The following CLVS1 variants were observed in gnomAD, a reference collection of about 807,000 sequenced individuals.
CLVS1 encodes clavesin 1.
Under a neutral mutation model 33.1 loss-of-function variants are expected in CLVS1, and 10 were observed. The ratio of observed to expected loss-of-function variants is 0.30; its 90% CI spans 0.19 to 0.51. The LOEUF is 0.51. Ranked by LOEUF, CLVS1 falls within the 20% of genes least tolerant of loss-of-function variation. The pLI is 0.97. For missense variants in CLVS1, 343 were observed against 433.4 expected (o/e 0.79, Z 1.85); for synonymous variants, 163 against 166.1 (o/e 0.98, Z 0.14).
At chr8:61,249,425 G>A (rs1011273545) in intron 2 of CLVS1, among the ~76,000 whole-genome samples, 1 of 152,104 alleles carries the variant, frequency 6.6e-6, no homozygotes, top group Non-Finnish European at 1.5e-5. Flanking sequence ...TAATCCTTTG[G>A]ATATATACCC....
At chr8:61,258,398 A>G (rs1474746919) in intron 2 of CLVS1, among the ~76,000 whole-genome samples, 16 of 152,226 alleles carry the variant, frequency 1.1e-4, no homozygotes, top group Admixed American at 1.0e-3. Context: ...GCAGTGCCAT[A>G]CATCTTGTGA....
chr8:61,376,502 G>A (rs1304885849), intron 2 of CLVS1, 103 bp from the exon 3 acceptor site: 4 of 1,042,014 alleles, frequency 3.8e-6, no homozygotes, highest in South Asian at 3.4e-5. Context: ...CCCTCCAGGC[G>A]GGGTTCATGG....
At chr8:61,211,711 G>A (rs868474299) in intron 2 of CLVS1, among the ~76,000 whole-genome samples, 6 of 152,224 alleles carry the variant, frequency 3.9e-5, no homozygotes, top group South Asian at 4.1e-4. Context: ...AGCCGAGACT[G>A]GCTATGTTTC....
intron 2 of CLVS1, among the ~76,000 whole-genome samples, chr8:61,188,328 A>G (rs1267482323): frequency 6.6e-6 from 1 of 152,144 alleles, no homozygotes. Flanking sequence ...GAGAAAGGAC[A>G]TTCATTCTAG....
chr8:61,423,026 T>C (rs1290239974), intron 3 of CLVS1, among the ~76,000 whole-genome samples: 1 of 152,114 alleles, frequency 6.6e-6, no homozygotes, highest in African/African-American at 2.4e-5. Context: ...CTATTAGACT[T>C]CAGGGTCCAC....
At chr8:61,203,690 G>C (rs1807785532) in intron 2 of CLVS1, among the ~76,000 whole-genome samples, 1 of 152,198 alleles carries the variant, frequency 6.6e-6, no homozygotes, top group Non-Finnish European at 1.5e-5. Flanking sequence ...AAGCTCACAT[G>C]GAACTGTTTG....
At chr8:61,002,076 T>C in the CLVS1 span, among the ~76,000 whole-genome samples, 1 of 152,030 alleles carries the variant, frequency 6.6e-6, no homozygotes. Context: ...CCTCTCAGGC[T>C]CTAGCAATCC....
the CLVS1 span, among the ~76,000 whole-genome samples, chr8:60,968,452 G>A: frequency 1.3e-5 from 2 of 150,674 alleles, no homozygotes; most frequent in Admixed American, 6.6e-5. Context: ...GGAGGCAGAG[G>A]TTGCAGTGAG....
At chr8:61,105,343 A>G (rs1324178839) in intron 1 of CLVS1, among the ~76,000 whole-genome samples, 2 of 152,190 alleles carry the variant, frequency 1.3e-5, no homozygotes, top group Non-Finnish European at 2.9e-5. Context: ...TAAAGCTTCT[A>G]TTATTGGGAT....
In CLVS1 at chr8:61,115,367, A is replaced by G. The variant is rs187226109; in HGVS notation, c.-242-16403A>G. Among the ~76,000 whole-genome samples, 336 of 150,462 alleles carry G rather than the reference A, an allele frequency of 2.2e-3. 2 individuals are homozygous for G. Among genetic ancestry groups the G allele is most frequent in the Admixed American group, 4.0e-3 (60 of 15,134 alleles). On this transcript the variant is annotated intron_variant, in intron 1 of 2. Coordinates refer to the CLVS1 transcript ENST00000522621. ...TTATTTTATTTTTATTTTTATTTTT[A>G]TTTATTTATTTATTTATTTTTATTA... is the stretch of plus-strand genomic sequence containing the variant.
chr8:61,432,167 G>A (rs926328136), intron 3 of CLVS1, among the ~76,000 whole-genome samples: 1 of 152,180 alleles, frequency 6.6e-6, no homozygotes, highest in Non-Finnish European at 1.5e-5. Flanking sequence ...AACCAAATTC[G>A]AATGAGGAAG....
chr8:61,469,290 A>C (rs1269033783), intron 5 of CLVS1, among the ~76,000 whole-genome samples: 1 of 152,232 alleles, frequency 6.6e-6, no homozygotes, highest in African/African-American at 2.4e-5. Flanking sequence ...CTAAATTGGC[A>C]TGACATATGC....
At chr8:61,036,210 G>A in the CLVS1 span, among the ~76,000 whole-genome samples, 2 of 152,316 alleles carry the variant, frequency 1.3e-5, no homozygotes, top group African/African-American at 4.8e-5. Context: ...TACCTACCAA[G>A]GAAAGAGAAA....
the CLVS1 span, among the ~76,000 whole-genome samples, chr8:61,032,216 G>C: frequency 6.6e-6 from 1 of 152,132 alleles, no homozygotes; most frequent in Non-Finnish European, 1.5e-5. Context: ...TGTGCCCTGG[G>C]GACAGGCAGG....
rs55718731 is a variant in CLVS1 at position 61,226,980 on chromosome 8, G to GTTTTTT, written c.-151-72685_-151-72680dup. ...AACACCTGCTATATTACGAAAACATGTTTTTTTTTTTTTTTTTGTTCAGCT... is the reference window on the plus strand; with the variant it reads ...AACACCTGCTATATTACGAAAACATGTTTTTTTTTTTTTTTTTTTTTTTGTTCAGCT... On this transcript the variant is annotated intron_variant, in intron 2 of 2. Transcript: ENST00000522621. Among the ~76,000 whole-genome samples the GTTTTTT allele has an allele frequency of 8.8e-4, 117 of 132,300 alleles. 1 individual carries two copies. Among genetic ancestry groups the GTTTTTT allele is most frequent in the Middle Eastern group, 3.9e-3 (1 of 258 alleles). The allele number at this position is 132,300 out of a possible 152,430, so 86.8% of individuals were successfully genotyped here.
At chr8:61,492,526 G>A (rs1586055499) in intron 5 of CLVS1, among the ~76,000 whole-genome samples, 1 of 152,166 alleles carries the variant, frequency 6.6e-6, no homozygotes, top group Admixed American at 6.5e-5. Context: ...GTTTTTTTGG[G>A]GGGGTCTTTC....
intron 2 of CLVS1, among the ~76,000 whole-genome samples, chr8:61,331,730 A>G (rs190410918): frequency 9.9e-5 from 15 of 152,088 alleles, no homozygotes; most frequent in African/African-American, 2.7e-4. Context: ...AGTGTCTTCT[A>G]TTATATCTCT....
At chr8:61,462,977 A>G (rs1817419505) in intron 5 of CLVS1, among the ~76,000 whole-genome samples, 2 of 152,208 alleles carry the variant, frequency 1.3e-5, no homozygotes, top group Admixed American at 1.3e-4. Context: ...TATTCTTCCA[A>G]TAGAAGGCTG....
At chr8:61,127,052 G>C (rs1805987827) in intron 1 of CLVS1, among the ~76,000 whole-genome samples, 1 of 152,132 alleles carries the variant, frequency 6.6e-6, no homozygotes. Flanking sequence ...CTTTCCCACA[G>C]TATAGGAATT....
Sources: gnomAD v4.1 joint callset for allele counts (sites outside exome capture counted in the v4.1 genomes callset) on GRCh38, gnomAD v4.1.1 for gene constraint, MANE v1.5 for transcripts, NCBI Gene and HGNC (gene_info 2026-07-23, HGNC 2026-07-21) for gene names.